Variants in ZNF608 observed in about 807,000 individuals in gnomAD.
ZNF608 encodes the protein renal carcinoma antigen NY-REN-36.
In ZNF608, 12 loss-of-function variants were observed where a neutral mutation model predicts 109.0. The ratio of observed to expected loss-of-function variants is 0.11; its 90% CI spans 0.07 to 0.18. The LOEUF (loss-of-function observed/expected upper bound fraction) is 0.18. ZNF608 is among the 10% of genes least tolerant of loss of function. The pLI is 1.00. For missense variants in ZNF608, 1,707 were observed against 1,879.3 expected (o/e 0.91, Z 1.70); for synonymous variants, 732 against 717.4 (o/e 1.02, Z -0.33).
At chr5:124,710,310 T>C (rs1200261610) in intron 2 of ZNF608, 4 of 426,118 alleles carry the variant, frequency 9.4e-6, no homozygotes, top group Admixed American at 8.7e-5. Context: ...TACCTTCTTT[T>C]AGGGAATCTC....
chr5:124,666,818 A>G (rs182350295), intron 3 of ZNF608, among the ~76,000 whole-genome samples: 41 of 152,046 alleles, frequency 2.7e-4, no homozygotes, highest in Non-Finnish European at 3.1e-4. Context: ...AAATTAGCCT[A>G]ATTTTATGTA....
intron 2 of ZNF608, among the ~76,000 whole-genome samples, chr5:124,721,874 C>T (rs531669496): frequency 7.5e-6 from 1 of 134,066 alleles, no homozygotes; most frequent in African/African-American, 2.8e-5. Flanking sequence ...CCAAGGAAGC[C>T]GAGGTTACAG....
intron 4 of ZNF608, 99 bp from the exon 5 acceptor site, chr5:124,649,232 T>A: frequency 1.0e-6 from 1 of 983,538 alleles, no homozygotes; most frequent in Non-Finnish European, 1.4e-6. Context: ...AACACTCCAG[T>A]AGCTTCAGGG....
intron 2 of ZNF608, among the ~76,000 whole-genome samples, chr5:124,721,748 C>T (rs1753913505): frequency 6.6e-6 from 1 of 151,454 alleles, no homozygotes; most frequent in Non-Finnish European, 1.5e-5. Context: ...CCAGCCTGGC[C>T]AACATGGTGA....
chr5:124,730,241 G>A (rs1022087952), intron 2 of ZNF608, among the ~76,000 whole-genome samples: 7 of 152,130 alleles, frequency 4.6e-5, no homozygotes, highest in African/African-American at 1.7e-4. Context: ...TGAATACATA[G>A]GGCATTTTCT....
chr5:124,653,714 A>C (rs1750887973), intron 3 of ZNF608, among the ~76,000 whole-genome samples: 1 of 152,146 alleles, frequency 6.6e-6, no homozygotes, highest in South Asian at 2.1e-4. Context: ...ACCTGGAGCA[A>C]AGGCAGCCAG....
chr5:124,743,754 C>T (rs1393596325), intron 2 of ZNF608, among the ~76,000 whole-genome samples: 2 of 152,120 alleles, frequency 1.3e-5, no homozygotes, highest in Admixed American at 1.3e-4. Flanking sequence ...CTATTAAAAG[C>T]ACACGGCAAC....
At position 124,669,522 on chromosome 5, in the gene ZNF608, G is replaced by A. The variant is rs148230014; in HGVS notation, c.1163-19825C>T. Among the ~76,000 whole-genome samples, 527 of 152,268 alleles carry A rather than the reference G, an allele frequency of 3.5e-3. 3 individuals are homozygous for A. The highest frequency in any genetic ancestry group is 0.01 in the Middle Eastern group (3 of 292). On this transcript the variant is annotated intron_variant, in intron 3 of 9. Transcript: ENST00000513986. The stretch of plus-strand genomic sequence containing the variant: ...AATGGGCTGTCCCTGCCAAGTGAAC[G>A]CTATAGGCTGCAAGGCACTAGCTTA...
intron 2 of ZNF608, chr5:124,735,243 G>C (rs1169135753): frequency 6.6e-6 from 1 of 152,260 alleles, no homozygotes; most frequent in Admixed American, 6.5e-5. Context: ...TCTGCCTCAG[G>C]GGAACGTTGT....
At chr5:124,713,760 A>G (rs375440971) in intron 2 of ZNF608, among the ~76,000 whole-genome samples, 10 of 152,296 alleles carry the variant, frequency 6.6e-5, no homozygotes, top group African/African-American at 2.2e-4. Flanking sequence ...TTGGACGTTA[A>G]TATCTGTTGG....
At chr5:124,709,256 C>T (rs866716639) in intron 2 of ZNF608, among the ~76,000 whole-genome samples, 1 of 149,748 alleles carries the variant, frequency 6.7e-6, no homozygotes, top group African/African-American at 2.5e-5. Flanking sequence ...ACTGACTCTT[C>T]GTGTCTGACT....
At chr5:124,666,711 G>C (rs1751496293) in intron 3 of ZNF608, among the ~76,000 whole-genome samples, 1 of 4,298 alleles carries the variant, frequency 2.3e-4, no homozygotes, top group South Asian at 3.9e-3. Context: ...GGTTTGCTCT[G>C]TGTGTGTGTG....
intron 3 of ZNF608, among the ~76,000 whole-genome samples, chr5:124,686,294 C>T (rs1454430547): frequency 6.6e-6 from 1 of 152,206 alleles, no homozygotes; most frequent in Non-Finnish European, 1.5e-5. Flanking sequence ...GTCACCCTAT[C>T]AGGCAGGAGT....
intron 2 of ZNF608, among the ~76,000 whole-genome samples, chr5:124,729,991 G>A (rs563888745): frequency 6.6e-6 from 1 of 152,276 alleles, no homozygotes; most frequent in East Asian, 1.9e-4. Flanking sequence ...ACACCTCACT[G>A]CACAGATTTG....
Position 124,704,466 on chromosome 5 carries a change from C to G in ZNF608, c.907-3197G>C, listed in dbSNP as rs1440790106. 2.6e-5 allele frequency among the ~76,000 whole-genome samples: 4 copies of G among 152,260 alleles called. No individual in the cohort carries two copies. The East Asian group carries it at 5.8e-4, about 22-fold the overall frequency. ...GGAGCACAAAGTCTCCCCGTGTGGT[C>G]TACCATAGGCCCCTCTTCCTTAGAG... is the stretch of plus-strand genomic sequence containing the variant. On this transcript the variant is annotated intron_variant, in intron 2 of 9. Coordinates refer to ENST00000513986, the MANE Select transcript of ZNF608 (RefSeq NM_020747.3).
At position 124,701,224 on chromosome 5, in the gene ZNF608, T is replaced by C; in HGVS notation, c.952A>G (p.Ser318Gly). Residue 318 changes from serine (S) to glycine (G), a missense_variant, in exon 3 of 10, where the codon AGC becomes GGC. Physicochemically the swap from Ser to Gly is moderately conservative, Grantham distance 56. Transcript: ENST00000513986. ...TVPAPPPPISSSLTPQILPSY... is the reference protein window; with the variant it reads ...TVPAPPPPISGSLTPQILPSY... Reference sequence around the variant, plus strand: ...GGTAGAATCTGAGGCGTGAGACTGCTGGAAATCGGCGGTGGTGGCGCTGGC... The same window carrying C: ...GGTAGAATCTGAGGCGTGAGACTGCCGGAAATCGGCGGTGGTGGCGCTGGC... The C allele has an allele frequency of 1.2e-6, 2 of 1,614,176 alleles. No homozygotes were observed. The highest frequency in any genetic ancestry group is 1.1e-5 in the South Asian group (1 of 91,080).
At chr5:124,722,881 TAA>T (rs1165373104) in intron 2 of ZNF608, among the ~76,000 whole-genome samples, 6 of 152,100 alleles carry the variant, frequency 3.9e-5, no homozygotes, top group Admixed American at 3.9e-4. Context: ...ATATTTATAT[TAA>T]GAGTTCAATA....
At chr5:124,678,113 GC>G (rs1251058076) in intron 3 of ZNF608, among the ~76,000 whole-genome samples, 4 of 152,114 alleles carry the variant, frequency 2.6e-5, no homozygotes, top group Non-Finnish European at 4.4e-5. Context: ...CCGTAAGTCA[GC>G]CCCTTCAGCT....
chr5:124,670,217 G>A (rs751001666), intron 3 of ZNF608, among the ~76,000 whole-genome samples: 1 of 152,114 alleles, frequency 6.6e-6, no homozygotes, highest in African/African-American at 2.4e-5. Context: ...TCTTCACAGA[G>A]ATAGAGGGGA....
Sources: allele counts gnomAD v4.1 joint callset (sites outside exome capture counted in the v4.1 genomes callset), GRCh38; gene constraint gnomAD v4.1.1; transcripts MANE v1.5; gene names NCBI Gene and HGNC (gene_info 2026-07-23, HGNC 2026-07-21).